The following CDH4 variants were observed in gnomAD, a reference collection of about 807,000 sequenced individuals.
The protein encoded by CDH4 is cadherin 4.
A neutral mutation model predicts 86.0 loss-of-function variants in CDH4; 33 were observed. That is an observed-to-expected ratio of 0.38 (90% CI 0.29 to 0.51). The LOEUF (loss-of-function observed/expected upper bound fraction) is 0.51, where lower values mean the gene tolerates loss of function less well. CDH4 is among the 20% of genes least tolerant of loss of function. The pLI, the probability that CDH4 is intolerant of heterozygous loss-of-function variation, is 0.86. For synonymous variants in CDH4, 555 were observed against 549.4 expected (o/e 1.01, Z -0.14); for missense variants, 1,114 against 1,307.4 (o/e 0.85, Z 2.28).
At chr20:61,458,664 A>T (rs1046218300) in intron 2 of CDH4, among the ~76,000 whole-genome samples, 13 of 151,920 alleles carry the variant, frequency 8.6e-5, no homozygotes, top group Non-Finnish European at 1.5e-4. Context: ...GATAATGGTA[A>T]TGATAGTGAT....
At chr20:61,836,932 G>A (rs1342200579) in intron 4 of CDH4, among the ~76,000 whole-genome samples, 2 of 152,250 alleles carry the variant, frequency 1.3e-5, no homozygotes, top group Non-Finnish European at 2.9e-5. Context: ...ACTGGCCCAT[G>A]CCTATAATCC....
chr20:61,294,923 G>T (rs145774471), intron 2 of CDH4, among the ~76,000 whole-genome samples: 1 of 152,172 alleles, frequency 6.6e-6, no homozygotes, highest in African/African-American at 2.4e-5. Context: ...AACCCCACCC[G>T]AGCTCCACCA....
intron 7 of CDH4, among the ~76,000 whole-genome samples, chr20:61,874,844 T>C (rs1249294101): frequency 6.6e-6 from 1 of 152,238 alleles, no homozygotes; most frequent in Admixed American, 6.5e-5. Context: ...GCCACCTCGC[T>C]GGGCTCACAG....
intron 2 of CDH4, among the ~76,000 whole-genome samples, chr20:61,651,862 G>A (rs1041064074): frequency 3.3e-5 from 5 of 152,218 alleles, no homozygotes; most frequent in African/African-American, 1.2e-4. Context: ...GCTGTGGGTG[G>A]GAAGCCATCG....
chr20:61,258,417 C>T (rs937483582), intron 2 of CDH4, among the ~76,000 whole-genome samples: 6 of 151,640 alleles, frequency 4.0e-5, no homozygotes, highest in Non-Finnish European at 7.4e-5. Context: ...CCTTGCCTCT[C>T]CCCGTTTCTC....
chr20:61,888,895 C>T (rs566118002), intron 7 of CDH4, among the ~76,000 whole-genome samples: 1 of 152,324 alleles, frequency 6.6e-6, no homozygotes, highest in Non-Finnish European at 1.5e-5. Context: ...TCAGTCTTCC[C>T]CTCCGTAAAT....
rs1337380049 is a variant in CDH4 at position 61,499,619 on chromosome 20, G to T, written c.170-243944G>T. 1.4e-5 allele frequency: 12 copies of T among 835,362 alleles called. No individual in the cohort carries two copies. The East Asian group carries it at 7.6e-4, about 53-fold the overall frequency. 51.7% of individuals were successfully genotyped at this position (835,362 alleles called of 1,614,324 possible). Reference sequence around the variant, plus strand: ...GAGGAGGGCTCCAAGCCAGAATTTAGACCTCAGCCTGCAGACACAGGACAG... The same window carrying T: ...GAGGAGGGCTCCAAGCCAGAATTTATACCTCAGCCTGCAGACACAGGACAG... On this transcript the variant is annotated intron_variant, in intron 2 of 15. Coordinates refer to ENST00000614565, the MANE Select transcript of CDH4 (RefSeq NM_001794.5).
intron 2 of CDH4, among the ~76,000 whole-genome samples, chr20:61,333,122 G>A (rs185394842): frequency 6.6e-6 from 1 of 152,316 alleles, no homozygotes; most frequent in East Asian, 1.9e-4. Context: ...TTGAGAGCAG[G>A]GAACTATTTT....
Position 61,852,899 on chromosome 20 carries a change from G to C in CDH4, c.877+1G>C, listed in dbSNP as rs139797603. The C allele has an allele frequency of 1.2e-6, 2 of 1,613,646 alleles. No individual in the cohort carries two copies. Among genetic ancestry groups the C allele is most frequent in the Non-Finnish European group, 1.7e-6 (2 of 1,179,852 alleles). On this transcript the variant is annotated splice_donor_variant, in intron 6 of 15. Coordinates refer to ENST00000614565, the MANE Select transcript of CDH4 (RefSeq NM_001794.5). LOFTEE classifies it high-confidence loss of function. ...TCCGTGGACGAGGGCTCCAAGCCAG[G>C]TGAGGCCTTTAGCGTTTGCTTGCTG...
chr20:61,293,755 T>C (rs2084336243), intron 2 of CDH4, among the ~76,000 whole-genome samples: 1 of 152,176 alleles, frequency 6.6e-6, no homozygotes, highest in Non-Finnish European at 1.5e-5. Flanking sequence ...GGAGGTGCTC[T>C]TGCTGAGGCC....
At chr20:61,580,131 A>C (rs182064572) in intron 2 of CDH4, among the ~76,000 whole-genome samples, 10 of 152,118 alleles carry the variant, frequency 6.6e-5, no homozygotes, top group Admixed American at 2.0e-4. Flanking sequence ...ACAAAAAAAA[A>C]AAAGGAATCT....
chr20:61,519,120 A>T (rs912135767), intron 2 of CDH4, among the ~76,000 whole-genome samples: 3 of 152,200 alleles, frequency 2.0e-5, no homozygotes, highest in African/African-American at 7.2e-5. Flanking sequence ...CAGGTGCTTT[A>T]ATGGAAGTTT....
chr20:61,268,389 G>A (rs1003728953), intron 2 of CDH4, among the ~76,000 whole-genome samples: 2 of 152,270 alleles, frequency 1.3e-5, no homozygotes, highest in Admixed American at 1.3e-4. Flanking sequence ...ACCTGCACAC[G>A]GGGAGGCCCA....
intron 2 of CDH4, among the ~76,000 whole-genome samples, chr20:61,542,675 T>A (rs1313773887): frequency 6.6e-6 from 1 of 152,218 alleles, no homozygotes; most frequent in African/African-American, 2.4e-5. Context: ...CAAGGGAATA[T>A]TTATAATCAG....
In CDH4 at chr20:61,773,092, C is replaced by A; in HGVS notation, c.486C>A (p.Asn162Lys). 1 of 1,613,180 alleles carries A rather than the reference C, an allele frequency of 6.2e-7. No homozygotes were observed. The highest frequency in any genetic ancestry group is 8.5e-7 in the Non-Finnish European group (1 of 1,179,818). Reference sequence around the variant, plus strand: ...CGTGGCCCCAGCACCAGAACGCCAACGGGCTGAGGCGGCGCAAACGGGACT... The same window carrying A: ...CGTGGCCCCAGCACCAGAACGCCAAAGGGCTGAGGCGGCGCAAACGGGACT... ...LLPWPQHQNANGLRRRKRDWV... is the reference protein window; with the variant it reads ...LLPWPQHQNAKGLRRRKRDWV... The change falls in exon 4 of 16, where the codon AAC becomes AAA. Residue 162 changes from asparagine (N) to lysine (K), a missense_variant. Physicochemically the swap from Asn to Lys is moderately conservative, Grantham distance 94. Transcript: ENST00000614565.
At chr20:61,577,068 G>T (rs1438327338) in intron 2 of CDH4, among the ~76,000 whole-genome samples, 1 of 152,234 alleles carries the variant, frequency 6.6e-6, no homozygotes, top group African/African-American at 2.4e-5. Context: ...AAGGATGCAT[G>T]GATGTTTTGC....
rs745415562 is a variant in CDH4 at position 61,932,969 on chromosome 20, CA to C, written c.2240-15del. On this transcript the variant is annotated splice_polypyrimidine_tract_variant and intron_variant, in intron 13 of 15. Coordinates refer to ENST00000614565, the MANE Select transcript of CDH4 (RefSeq NM_001794.5). ...ACCCGCAGCACACCCTGCTCACGGGCAGCCCTCCCCCACAGCCATGGTCCTG... is the reference window on the plus strand; with the variant it reads ...ACCCGCAGCACACCCTGCTCACGGGCGCCCTCCCCCACAGCCATGGTCCTG... The C allele has an allele frequency of 6.2e-7, 1 of 1,608,706 alleles. No individual in the cohort carries two copies. Among genetic ancestry groups the C allele is most frequent in the South Asian group, 1.1e-5 (1 of 90,892 alleles).
chr20:61,929,087 C>CTCTT (rs376916522), intron 12 of CDH4, among the ~76,000 whole-genome samples: 6 of 151,386 alleles, frequency 4.0e-5, no homozygotes, highest in Non-Finnish European at 7.4e-5. Context: ...TTTGGTAAAA[C>CTCTT]TCTTTATATA....
intron 4 of CDH4, among the ~76,000 whole-genome samples, chr20:61,783,705 C>G (rs1978683341): frequency 7.3e-6 from 1 of 136,750 alleles, no homozygotes; most frequent in Non-Finnish European, 1.6e-5. Flanking sequence ...AATCCCAGTT[C>G]CTTGGGACAG....
Sources: gnomAD v4.1 joint callset for allele counts (sites outside exome capture counted in the v4.1 genomes callset) on GRCh38, gnomAD v4.1.1 for gene constraint, MANE v1.5 for transcripts, NCBI Gene and HGNC (gene_info 2026-07-23, HGNC 2026-07-21) for gene names.